The following RANBP17 variants were observed in gnomAD, a reference collection of about 807,000 sequenced individuals.
RANBP17 encodes ran-binding protein 17.
A neutral mutation model predicts 141.2 loss-of-function variants in RANBP17; 158 were observed. That is an observed-to-expected ratio of 1.12 (90% CI 0.98 to 1.28). The LOEUF (loss-of-function observed/expected upper bound fraction) is 1.28. Ranked by LOEUF, RANBP17 falls within the 50% of genes most tolerant of loss-of-function variation. The pLI, the probability that RANBP17 is intolerant of heterozygous loss-of-function variation, is 0.00. For missense variants in RANBP17, 1,438 were observed against 1,290.7 expected (o/e 1.11, Z -1.75); for synonymous variants, 430 against 450.0 (o/e 0.96, Z 0.56).
intron 14 of RANBP17, among the ~76,000 whole-genome samples, chr5:171,095,461 A>T (rs1786620190): frequency 1.3e-5 from 2 of 152,166 alleles, no homozygotes; most frequent in Admixed American, 6.5e-5. Flanking sequence ...CTTATGTAGG[A>T]CATTACTGGC....
At chr5:171,231,867 C>A (rs1482628787) in intron 22 of RANBP17, among the ~76,000 whole-genome samples, 1 of 152,020 alleles carries the variant, frequency 6.6e-6, no homozygotes, top group Non-Finnish European at 1.5e-5. Flanking sequence ...CTAACTACAG[C>A]TAAAGATCCT....
intron 14 of RANBP17, among the ~76,000 whole-genome samples, chr5:171,006,999 G>A (rs1310901224): frequency 6.6e-6 from 1 of 152,098 alleles, no homozygotes; most frequent in Non-Finnish European, 1.5e-5. Context: ...GGATCTTCTC[G>A]GGGAACTGCT....
At chr5:170,947,844 A>G (rs2127486802) in intron 12 of RANBP17, among the ~76,000 whole-genome samples, 1 of 152,292 alleles carries the variant, frequency 6.6e-6, no homozygotes, top group South Asian at 2.1e-4. Flanking sequence ...CAGAGTGAAC[A>G]TTCTCTGAGA....
chr5:171,107,947 G>T (rs1754966318), intron 14 of RANBP17, among the ~76,000 whole-genome samples: 2 of 152,146 alleles, frequency 1.3e-5, no homozygotes, highest in Admixed American at 1.3e-4. Flanking sequence ...AGAGCAATCA[G>T]TTTCAGGTTT....
intron 26 of RANBP17, 43 bp downstream of exon 26, chr5:171,294,024 G>T: frequency 7.2e-7 from 1 of 1,385,496 alleles, no homozygotes; most frequent in African/African-American, 1.4e-5. Flanking sequence ...GTCCCTGGGA[G>T]AAGAGAGCAG....
At chr5:171,212,479 C>T (rs1400269310) in intron 20 of RANBP17, among the ~76,000 whole-genome samples, 1 of 152,066 alleles carries the variant, frequency 6.6e-6, no homozygotes, top group Admixed American at 6.6e-5. Context: ...AGTGGTTTTG[C>T]AGGGAGTTAT....
In RANBP17 at chr5:171,067,577, G is replaced by A. The variant is rs77463471; in HGVS notation, c.1710+99200G>A. Among the ~76,000 whole-genome samples, 1,459 of 151,998 alleles carry A rather than the reference G, an allele frequency of 9.6e-3. 60 individuals are homozygous for A. Among genetic ancestry groups the A allele is most frequent in the East Asian group, 0.081 (417 of 5,166 alleles). On this transcript the variant is annotated intron_variant, in intron 14 of 27. Transcript: ENST00000523189. ...AATGGGGCTAGTCTGTTAGTAATGG[G>A]CTTCTTTAGCTTCTTAAAAATTTTT... is the stretch of plus-strand genomic sequence containing the variant.
Position 170,890,845 on chromosome 5 carries a change from A to G in RANBP17, c.257-1542A>G, listed in dbSNP as rs190474427. Among the ~76,000 whole-genome samples the G allele has an allele frequency of 8.9e-4, 135 of 152,232 alleles. 1 individual carries two copies. The highest frequency in any genetic ancestry group is 1.9e-4 in the East Asian group (1 of 5,184). The stretch of plus-strand genomic sequence containing the variant: ...TCTACTTATGCTTTCTTGAATTTAT[A>G]TATTTATTTTATCATATTATACTGT... On this transcript the variant is annotated intron_variant, in intron 3 of 27. Transcript: ENST00000523189.
intron 16 of RANBP17, among the ~76,000 whole-genome samples, chr5:171,179,481 A>G (rs1355049744): frequency 1.3e-5 from 2 of 152,020 alleles, no homozygotes; most frequent in African/African-American, 2.4e-5. Context: ...AAGTACAGCA[A>G]TTTCTGACAT....
intron 14 of RANBP17, among the ~76,000 whole-genome samples, chr5:170,970,826 C>G (rs1776935606): frequency 6.6e-6 from 1 of 152,096 alleles, no homozygotes; most frequent in Non-Finnish European, 1.5e-5. Context: ...TGTTCTGTAG[C>G]ACCCATTTGT....
At chr5:170,887,445 C>T (rs1441001692) in intron 3 of RANBP17, among the ~76,000 whole-genome samples, 1 of 152,114 alleles carries the variant, frequency 6.6e-6, no homozygotes, top group African/African-American at 2.4e-5. Flanking sequence ...GTCTGTGAAC[C>T]ATTTTAAGTT....
chr5:170,862,032 A>G lies in RANBP17; in HGVS notation c.-2A>G, dbSNP rs1019528897. ...GGCTGGCCGGCGCCGCCTCCTGGGAAGATGGCGCTGCACTTCCAGGTCAGT... is the reference window on the plus strand; with the variant it reads ...GGCTGGCCGGCGCCGCCTCCTGGGAGGATGGCGCTGCACTTCCAGGTCAGT... On this transcript the variant is annotated 5_prime_UTR_variant, in exon 1 of 28. Transcript: ENST00000523189. 12 of 1,460,996 alleles carry G rather than the reference A, an allele frequency of 8.2e-6. No individual in the cohort carries two copies. Among genetic ancestry groups the G allele is most frequent in the Middle Eastern group, 2.4e-4 (1 of 4,252 alleles). 90.5% of individuals were successfully genotyped at this position (1,460,996 alleles called of 1,614,324 possible).
At chr5:171,015,535 G>C (rs1310210307) in intron 14 of RANBP17, among the ~76,000 whole-genome samples, 1 of 151,864 alleles carries the variant, frequency 6.6e-6, no homozygotes, top group Non-Finnish European at 1.5e-5. Flanking sequence ...CTAACTTTTT[G>C]AACATATGAA....
Position 170,926,080 on chromosome 5 carries a change from C to G in RANBP17, c.1468+1530C>G, listed in dbSNP as rs573919990. On this transcript the variant is annotated intron_variant, in intron 12 of 27. Transcript: ENST00000523189. The stretch of plus-strand genomic sequence containing the variant: ...ACAAAGTGTTTGTACTATTTGACAT[C>G]CTACCAATAGTGTTCAGGTGTTCCC... Among the ~76,000 whole-genome samples the G allele has an allele frequency of 8.5e-5, 13 of 152,262 alleles. No homozygotes were observed. The South Asian group carries it at 2.7e-3, about 32-fold the overall frequency.
chr5:171,243,185 A>C, intron 24 of RANBP17: 1 of 179,162 alleles, frequency 5.6e-6, no homozygotes, highest in Non-Finnish European at 1.1e-5. Context: ...CTTCTAATCA[A>C]TCCCTTCCCC....
intron 24 of RANBP17, among the ~76,000 whole-genome samples, chr5:171,260,355 G>A (rs1184304966): frequency 2.0e-5 from 3 of 150,086 alleles, no homozygotes; most frequent in Admixed American, 1.3e-4. Context: ...CTGTGGTGGC[G>A]GCTACTCAGG....
intron 24 of RANBP17, chr5:171,252,553 G>A (rs1765641719): frequency 7.2e-7 from 1 of 1,389,698 alleles, no homozygotes. Context: ...ACGGAGGAAA[G>A]TTTAAAAACT....
chr5:171,141,355 G>C lies in RANBP17; in HGVS notation c.1711-28775G>C, dbSNP rs1192074312. 4.0e-5 allele frequency among the ~76,000 whole-genome samples: 6 copies of C among 151,732 alleles called. No individual in the cohort carries two copies. The East Asian group carries it at 1.2e-3, about 29-fold the overall frequency. ...CTCACACCTGTAATCCCAGCACTTT[G>C]GGAGGCCGAGGTGGGCGGATCACAA... On this transcript the variant is annotated intron_variant, in intron 14 of 27. Transcript: ENST00000523189.
intron 14 of RANBP17, among the ~76,000 whole-genome samples, chr5:171,015,748 T>C (rs887110491): frequency 2.0e-5 from 3 of 152,150 alleles, no homozygotes; most frequent in Non-Finnish European, 4.4e-5. Context: ...TAAACTTTAT[T>C]ATGCGAAACT....
Sources: allele counts gnomAD v4.1 joint callset (sites outside exome capture counted in the v4.1 genomes callset), GRCh38; gene constraint gnomAD v4.1.1; transcripts MANE v1.5; gene names NCBI Gene and HGNC (gene_info 2026-07-23, HGNC 2026-07-21).